UVRAG: variants seen among roughly 807,000 people sequenced by gnomAD.
UVRAG encodes the protein UV radiation resistance-associated gene protein.
A neutral mutation model predicts 78.0 loss-of-function variants in UVRAG; 19 were observed. The ratio of observed to expected loss-of-function variants is 0.24; its 90% CI spans 0.17 to 0.36. The LOEUF is 0.36. UVRAG is among the 10% of genes least tolerant of loss of function. The pLI, the probability that UVRAG is intolerant of heterozygous loss-of-function variation, is 1.00. For missense variants in UVRAG, 740 were observed against 853.8 expected (o/e 0.87, Z 1.66); for synonymous variants, 323 against 324.6 (o/e 1.00, Z 0.05).
At position 76,141,131 on chromosome 11, in the gene UVRAG, C is replaced by T. The variant is rs754447296; in HGVS notation, c.1818C>T (p.Ala606=). The T allele has an allele frequency of 2.9e-5, 46 of 1,614,032 alleles. No homozygotes were observed. The South Asian group carries it at 3.2e-4, about 11-fold the overall frequency. Residue 606 remains alanine (A), a synonymous_variant, in exon 15 of 15, where the codon GCC becomes GCT. Coordinates refer to ENST00000356136, the MANE Select transcript of UVRAG (RefSeq NM_003369.4). ...GCACTCTCCTACCCAGCGAGCAGGC[C>T]GGGTCCGCCAGTGTCCAGCTTCCAG... ...VNGTLLPSEQ[A]GSASVQLPGE...
chr11:75,984,331 C>T (rs1190618995), intron 8 of UVRAG, among the ~76,000 whole-genome samples: 1 of 152,134 alleles, frequency 6.6e-6, no homozygotes, highest in Non-Finnish European at 1.5e-5. Flanking sequence ...CTACAAAGTG[C>T]TCATCTGTGT....
chr11:75,971,883 G>C (rs1949129001), intron 7 of UVRAG, among the ~76,000 whole-genome samples: 1 of 152,056 alleles, frequency 6.6e-6, no homozygotes, highest in Admixed American at 6.6e-5. Context: ...TAAAGACAGG[G>C]TTTTGCCATG....
chr11:76,116,192 G>A (rs1952178151), intron 14 of UVRAG, among the ~76,000 whole-genome samples, 177 bp downstream of exon 14: 1 of 152,226 alleles, frequency 6.6e-6, no homozygotes, highest in Non-Finnish European at 1.5e-5. Context: ...TCTGGCTAAG[G>A]AGGATGTAGC....
intron 13 of UVRAG, among the ~76,000 whole-genome samples, chr11:76,092,831 T>G (rs1951726873): frequency 6.6e-6 from 1 of 152,208 alleles, no homozygotes; most frequent in African/African-American, 2.4e-5. Context: ...CAGAAGCTCT[T>G]TAGTTTAACT....
At chr11:75,892,270 C>T in intron 5 of UVRAG, 18 of 940,546 alleles carry the variant, frequency 1.9e-5, no homozygotes, top group Non-Finnish European at 2.3e-5. Flanking sequence ...GATCAGTCAT[C>T]TGCTGGTCCT....
rs1182632652 is a variant in UVRAG, at chr11:75,943,386, GTTTGT to G, written c.594-18050_594-18046del. Among the ~76,000 whole-genome samples the G allele has an allele frequency of 4.0e-5, 6 of 150,460 alleles. No homozygotes were observed. The South Asian group carries it at 1.0e-3, about 26-fold the overall frequency. On this transcript the variant is annotated intron_variant, in intron 6 of 14. Coordinates refer to ENST00000356136, the MANE Select transcript of UVRAG (RefSeq NM_003369.4). Reference sequence around the variant, plus strand: ...TGTAAAAATCTTGTCCATATCTGTAGTTTGTTTTGTTTATTGTTTCTAATTCTGAA... The same window carrying G: ...TGTAAAAATCTTGTCCATATCTGTAGTTTGTTTATTGTTTCTAATTCTGAA...
intron 13 of UVRAG, among the ~76,000 whole-genome samples, chr11:76,094,129 T>C (rs992645865): frequency 6.6e-6 from 1 of 152,206 alleles, no homozygotes; most frequent in African/African-American, 2.4e-5. Context: ...GTGGTTTTTG[T>C]CTTTGGTTCT....
chr11:76,112,730 C>CTT (rs10686022), intron 13 of UVRAG, among the ~76,000 whole-genome samples: 9,807 of 139,328 alleles, frequency 0.07, 1,114 homozygotes, highest in African/African-American at 0.26. Context: ...TTTTTCTTTT[C>CTT]TTTTTTTTTT....
rs1946979871 is a variant in UVRAG, at chr11:75,882,751, C to T, written c.432+2711C>T. The stretch of plus-strand genomic sequence containing the variant: ...ATTCTACTCTCTACTTCTATGAGTT[C>T]AACTTTTTTAGATTCCACGGACAAG... On this transcript the variant is annotated intron_variant, in intron 4 of 14. Coordinates refer to ENST00000356136, the MANE Select transcript of UVRAG (RefSeq NM_003369.4). 2.6e-5 allele frequency among the ~76,000 whole-genome samples: 4 copies of T among 152,078 alleles called. No individual in the cohort carries two copies. The South Asian group carries it at 8.3e-4, about 32-fold the overall frequency.
At chr11:75,917,098 A>G (rs1209426054) in intron 6 of UVRAG, among the ~76,000 whole-genome samples, 2 of 152,188 alleles carry the variant, frequency 1.3e-5, no homozygotes, top group Non-Finnish European at 2.9e-5. Context: ...TCAGGAAGGG[A>G]CTGTTATCAT....
chr11:75,824,968 C>T (rs575582525), intron 1 of UVRAG, among the ~76,000 whole-genome samples: 92 of 151,550 alleles, frequency 6.1e-4, no homozygotes, highest in Non-Finnish European at 1.1e-3. Context: ...CCAGCGCGCC[C>T]GGCCAAGTTT....
intron 6 of UVRAG, among the ~76,000 whole-genome samples, chr11:75,923,766 C>T (rs905949066): frequency 6.6e-5 from 10 of 152,086 alleles, no homozygotes; most frequent in African/African-American, 2.2e-4. Context: ...TAGGAAACCA[C>T]CTATTTCCTC....
intron 12 of UVRAG, among the ~76,000 whole-genome samples, chr11:76,050,283 A>G (rs1337977948): frequency 6.6e-6 from 1 of 152,246 alleles, no homozygotes; most frequent in East Asian, 1.9e-4. Flanking sequence ...AAAGAGTAAT[A>G]AGAACATACC....
At chr11:75,833,985 A>G (rs1485134902) in intron 1 of UVRAG, among the ~76,000 whole-genome samples, 1 of 152,214 alleles carries the variant, frequency 6.6e-6, no homozygotes, top group Non-Finnish European at 1.5e-5. Context: ...GATTTTGTTT[A>G]TGGCCAGTTT....
At chr11:75,937,661 G>A (rs975860386) in intron 6 of UVRAG, among the ~76,000 whole-genome samples, 2 of 151,674 alleles carry the variant, frequency 1.3e-5, no homozygotes, top group Non-Finnish European at 2.9e-5. Flanking sequence ...TTTTTCCTTG[G>A]GCTGCTTTGT....
chr11:75,949,215 G>A (rs374889686), intron 6 of UVRAG, among the ~76,000 whole-genome samples: 19 of 152,080 alleles, frequency 1.2e-4, no homozygotes, highest in African/African-American at 4.6e-4. Context: ...TCCCTTGATG[G>A]GCTGTTCCTT....
At chr11:75,851,300 T>C (rs1043727819) in intron 1 of UVRAG, among the ~76,000 whole-genome samples, 1 of 152,232 alleles carries the variant, frequency 6.6e-6, no homozygotes, top group Non-Finnish European at 1.5e-5. Flanking sequence ...GAGGCCTGAT[T>C]ATGAAATTGA....
intron 14 of UVRAG, among the ~76,000 whole-genome samples, chr11:76,131,722 T>A (rs560106442): frequency 3.9e-5 from 6 of 152,342 alleles, no homozygotes; most frequent in African/African-American, 1.4e-4. Context: ...GGGCAAAGAT[T>A]AAGTACTTAC....
intron 7 of UVRAG, among the ~76,000 whole-genome samples, chr11:75,979,028 T>C (rs556922841): frequency 6.6e-6 from 1 of 152,350 alleles, no homozygotes; most frequent in Non-Finnish European, 1.5e-5. Context: ...TGGTCTTCGA[T>C]GATGGTGACG....
Sources: allele counts gnomAD v4.1 joint callset (sites outside exome capture counted in the v4.1 genomes callset), GRCh38; gene constraint gnomAD v4.1.1; transcripts MANE v1.5; gene names NCBI Gene and HGNC (gene_info 2026-07-23, HGNC 2026-07-21).